Variants in SGPP2 observed in about 807,000 individuals in gnomAD.
SGPP2 encodes sphingosine 1-phosphate phosphohydrolase 2.
A neutral mutation model predicts 33.9 loss-of-function variants in SGPP2; 30 were observed. The observed-to-expected ratio is 0.89, with a 90% CI of 0.66 to 1.20. The LOEUF (loss-of-function observed/expected upper bound fraction) is 1.20. Among genes scored for constraint, SGPP2 ranks in the 50% most tolerant of loss-of-function variants. SGPP2 has a pLI of 0.00. For missense variants in SGPP2, 458 were observed against 532.1 expected (o/e 0.86, Z 1.37); for synonymous variants, 233 against 225.0 (o/e 1.04, Z -0.32).
chr2:222,537,372 T>A (rs1227981810), intron 4 of SGPP2, among the ~76,000 whole-genome samples: 1 of 151,986 alleles, frequency 6.6e-6, no homozygotes, highest in Non-Finnish European at 1.5e-5. Context: ...GTAAATACAA[T>A]GAATCAATGA....
chr2:222,475,354 A>T (rs1290580129), intron 2 of SGPP2, among the ~76,000 whole-genome samples: 1 of 152,188 alleles, frequency 6.6e-6, no homozygotes, highest in African/African-American at 2.4e-5. Flanking sequence ...GTACTTTGAG[A>T]TATACTTTCC....
chr2:222,476,692 C>T lies in SGPP2; in HGVS notation c.378+1966C>T, dbSNP rs995723190. ...TTATTTTCTAAGATGTGTGTGTGTG[C>T]GTGTGTAAGGTATAACTGTATATAT... On this transcript the variant is annotated intron_variant, in intron 2 of 4. Transcript: ENST00000321276. This position sits in a 1 kb window ranked among gnomAD's most constrained non-coding sequence, Gnocchi z 4.3. Among the ~76,000 whole-genome samples, 12 of 147,178 alleles carry T rather than the reference C, an allele frequency of 8.2e-5. No individual in the cohort carries two copies. Among genetic ancestry groups the T allele is most frequent in the Admixed American group, 4.1e-4 (6 of 14,742 alleles).
intron 2 of SGPP2, among the ~76,000 whole-genome samples, chr2:222,491,564 C>T (rs141599122): frequency 2.5e-4 from 38 of 152,202 alleles, no homozygotes; most frequent in Admixed American, 2.2e-3. Flanking sequence ...GAACAGCATG[C>T]GGGGAAACCT....
intron 2 of SGPP2, chr2:222,504,807 A>G (rs1698420118): frequency 6.6e-6 from 1 of 152,332 alleles, no homozygotes; most frequent in African/African-American, 2.4e-5. Context: ...GGCACCCAAT[A>G]TAGACAAGCC....
chr2:222,485,516 G>A (rs2106105793), intron 2 of SGPP2, among the ~76,000 whole-genome samples: 1 of 152,300 alleles, frequency 6.6e-6, no homozygotes, highest in South Asian at 2.1e-4. Flanking sequence ...AGATCCTGTG[G>A]GCTTGTCATT....
At chr2:222,485,415 G>C (rs1307935217) in intron 2 of SGPP2, among the ~76,000 whole-genome samples, 2 of 152,120 alleles carry the variant, frequency 1.3e-5, no homozygotes, top group African/African-American at 4.8e-5. Flanking sequence ...ACACGAACTC[G>C]AAAGGCCAGA....
rs767200678 is a variant in SGPP2, at chr2:222,558,373, C to T, written c.675C>T (p.Thr225=). ...ATGTGCTGGGTGGCGTCCTGATCACCGCACTCCTCATCGTCCTCACCTACC... is the reference window on the plus strand; with the variant it reads ...ATGTGCTGGGTGGCGTCCTGATCACTGCACTCCTCATCGTCCTCACCTACC... ...VLDVLGGVLI[T]ALLIVLTYPA... Residue 225 remains threonine, a synonymous_variant, in exon 5 of 5, where the codon ACC becomes ACT. Coordinates refer to ENST00000321276, the MANE Select transcript of SGPP2 (RefSeq NM_152386.4). 2.0e-5 allele frequency: 33 copies of T among 1,614,002 alleles called. No homozygotes were observed. The highest frequency in any genetic ancestry group is 4.4e-5 in the South Asian group (4 of 91,084).
chr2:222,521,645 TG>T, intron 2 of SGPP2, 121 bp from the exon 3 acceptor site: 2 of 1,001,444 alleles, frequency 2.0e-6, no homozygotes, highest in African/African-American at 1.7e-5. Flanking sequence ...AACAAGTAGC[TG>T]GTCAGAGAGA....
chr2:222,559,047 G>A lies in SGPP2; in HGVS notation c.*149G>A, dbSNP rs1689474984. On this transcript the variant is annotated 3_prime_UTR_variant, in exon 5 of 5. Coordinates refer to ENST00000321276, the MANE Select transcript of SGPP2 (RefSeq NM_152386.4). The stretch of plus-strand genomic sequence containing the variant: ...CTACTACCAGATAAATGATGCTGCT[G>A]TGTGAAAGGAAGAACTGTCTCATAG... 2 of 734,644 alleles carry A rather than the reference G, an allele frequency of 2.7e-6. No homozygotes were observed. The highest frequency in any genetic ancestry group is 2.8e-5 in the Admixed American group (1 of 35,216). 45.5% of individuals were successfully genotyped at this position (734,644 alleles called of 1,614,324 possible).
At chr2:222,558,151 T>C (rs1292320419) in intron 4 of SGPP2, among the ~76,000 whole-genome samples, 196 bp from the exon 5 acceptor site, 1 of 152,206 alleles carries the variant, frequency 6.6e-6, no homozygotes, top group African/African-American at 2.4e-5. Context: ...ATGAGTAGTA[T>C]GGTTGTTGGA....
chr2:222,481,125 T>C (rs1477907127), intron 2 of SGPP2, among the ~76,000 whole-genome samples: 3 of 152,104 alleles, frequency 2.0e-5, no homozygotes, highest in Non-Finnish European at 4.4e-5. Flanking sequence ...TCAGGAAGAA[T>C]AGCTAATGGA....
chr2:222,508,428 G>A (rs117755489), intron 2 of SGPP2, among the ~76,000 whole-genome samples: 2 of 152,262 alleles, frequency 1.3e-5, no homozygotes, highest in East Asian at 3.9e-4. Context: ...CCTTGTCTAT[G>A]CATCAATTTC....
intron 4 of SGPP2, among the ~76,000 whole-genome samples, chr2:222,540,640 A>G (rs935092461): frequency 2.0e-5 from 3 of 152,200 alleles, no homozygotes; most frequent in Non-Finnish European, 2.9e-5. Flanking sequence ...AATGGATATT[A>G]TCTGTCATCT....
rs749862966 is a variant in SGPP2 at position 222,521,823 on chromosome 2, C to T, written c.435C>T (p.Ser145=). ...AKDVLKWPRP[S]SPPVVKLEKR... ...ATGTCTTGAAGTGGCCCCGTCCCTC[C>T]TCCCCTCCAGTTGTAAAACTGGAAA... The change falls in exon 3 of 5, where the codon TCC becomes TCT. Residue 145 remains serine, a synonymous_variant. Coordinates refer to ENST00000321276, the MANE Select transcript of SGPP2 (RefSeq NM_152386.4). 5.6e-6 allele frequency: 9 copies of T among 1,610,746 alleles called. No individual in the cohort carries two copies. In the Admixed American group the frequency reaches 6.7e-5, roughly 12 times the overall value.
intron 1 of SGPP2, among the ~76,000 whole-genome samples, chr2:222,474,088 AATT>A (rs1364442213): frequency 2.0e-5 from 3 of 152,214 alleles, no homozygotes; most frequent in Admixed American, 6.5e-5. Flanking sequence ...AAATGTGTAC[AATT>A]ATTATGTATC....
chr2:222,539,092 G>A (rs976167352), intron 4 of SGPP2, among the ~76,000 whole-genome samples: 2 of 152,138 alleles, frequency 1.3e-5, no homozygotes, highest in African/African-American at 4.8e-5. Flanking sequence ...AGAGTCCCAA[G>A]TCCCATCTAA....
chr2:222,479,365 C>T (rs1697994429), intron 2 of SGPP2, among the ~76,000 whole-genome samples: 2 of 150,212 alleles, frequency 1.3e-5, no homozygotes. Context: ...TTTATTAACC[C>T]TGTGCTCTGC....
chr2:222,544,862 A>G (rs1255872368), intron 4 of SGPP2, among the ~76,000 whole-genome samples: 2 of 152,146 alleles, frequency 1.3e-5, no homozygotes, highest in Non-Finnish European at 2.9e-5. Flanking sequence ...GTGAGCGTGT[A>G]TGGGGTGTTA....
intron 4 of SGPP2, among the ~76,000 whole-genome samples, chr2:222,529,949 G>A (rs987312950): frequency 1.3e-5 from 2 of 152,216 alleles, no homozygotes; most frequent in Admixed American, 1.3e-4. Context: ...CTGGGCTGTG[G>A]AATGGATGGT....
Sources: allele counts gnomAD v4.1 joint callset (sites outside exome capture counted in the v4.1 genomes callset), GRCh38; gene constraint gnomAD v4.1.1; non-coding constraint Gnocchi (gnomAD v3.1); transcripts MANE v1.5; gene names NCBI Gene and HGNC (gene_info 2026-07-23, HGNC 2026-07-21).